CAMTA2: variants seen among roughly 807,000 people sequenced by gnomAD.
CAMTA2 encodes calmodulin-binding transcription activator 2.
A neutral mutation model predicts 135.7 loss-of-function variants in CAMTA2; 56 were observed. The ratio of observed to expected loss-of-function variants is 0.41; its 90% CI spans 0.33 to 0.52. The LOEUF is 0.52. Ranked by LOEUF, CAMTA2 falls within the 20% of genes least tolerant of loss-of-function variation. CAMTA2 has a pLI of 0.16. For missense variants in CAMTA2, 1,358 were observed against 1,553.4 expected (o/e 0.87, Z 2.11); for synonymous variants, 591 against 604.6 (o/e 0.98, Z 0.33).
In CAMTA2 at chr17:4,972,811, G is replaced by C. The variant is rs1972381724; in HGVS notation, c.2461C>G (p.Pro821Ala). 3 of 1,613,948 alleles carry C rather than the reference G, an allele frequency of 1.9e-6. No individual in the cohort carries two copies. The highest frequency in any genetic ancestry group is 2.5e-6 in the Non-Finnish European group (3 of 1,180,030). The change falls in exon 15 of 23, where the codon CCC becomes GCC. Residue 821 changes from proline to alanine, a missense_variant. Physicochemically the swap from Pro to Ala is conservative, Grantham distance 27. Coordinates refer to ENST00000348066, the MANE Select transcript of CAMTA2 (RefSeq NM_015099.4). ...GAGGGTGGCGATAGGGCAAATGGGG[G>C]CTCCACCGAAGGCTCCTGTCTCTGT... ...ELQRQEPSVE[P>A]PFALSPPSSS...
chr17:4,978,540 G>T lies in CAMTA2; in HGVS notation c.1729C>A (p.Leu577Ile). Reference protein sequence around the residue: ...VFDHIAVPASLVQPGVLRCYC... With the variant: ...VFDHIAVPASIVQPGVLRCYC... ...CAGCGTAAGACACCAGGCTGGACAAGTGAGGCTGGCACTGCGATGTGATCA... is the reference window on the plus strand; with the variant it reads ...CAGCGTAAGACACCAGGCTGGACAATTGAGGCTGGCACTGCGATGTGATCA... Residue 577 changes from leucine to isoleucine, a missense_variant, in exon 10 of 23, where the codon CTT becomes ATT. Around this residue, in one of 4 missense-constraint regions of CAMTA2, gnomAD observed 1,077 missense variants for 1,127.5 expected, o/e 0.96. Coordinates refer to ENST00000348066, the MANE Select transcript of CAMTA2 (RefSeq NM_015099.4). 2.5e-6 allele frequency: 4 copies of T among 1,614,170 alleles called. No individual in the cohort carries two copies. The highest frequency in any genetic ancestry group is 3.4e-6 in the Non-Finnish European group (4 of 1,179,988).
rs755663331 is a variant in CAMTA2, at chr17:4,977,008, G to A, written c.1900+50C>T. ...CCTGAGTGGTCTAGGAGCATGTCAT[G>A]CTTAAAGGCTGTGGGCTGGATACTT... On this transcript the variant is annotated intron_variant, in intron 11 of 22. Transcript: ENST00000348066. 1.0e-5 allele frequency: 16 copies of A among 1,602,738 alleles called. No individual in the cohort carries two copies. The African/African-American group carries it at 2.1e-4, about 21-fold the overall frequency.
At chr17:4,982,730 G>A (rs1973035726) in intron 5 of CAMTA2, 27 bp downstream of exon 5, 1 of 1,613,276 alleles carries the variant, frequency 6.2e-7, no homozygotes. Flanking sequence ...GGCTCGGGAA[G>A]ATGAGCTGAA....
chr17:4,978,045 G>A (rs995587404), intron 10 of CAMTA2, among the ~76,000 whole-genome samples: 1 of 152,192 alleles, frequency 6.6e-6, no homozygotes, highest in African/African-American at 2.4e-5. Flanking sequence ...TGTGGCTAAT[G>A]GCTACCATAC....
chr17:4,987,014 C>G, intron 1 of CAMTA2: 1 of 1,433,500 alleles, frequency 7.0e-7, no homozygotes, highest in Non-Finnish European at 9.1e-7. Flanking sequence ...CAGATGGGAG[C>G]TGGCGGAGGC....
At position 4,981,269 on chromosome 17, in the gene CAMTA2, T is replaced by C. The variant is rs1289037395; in HGVS notation, c.656A>G (p.Lys219Arg). 1.9e-6 allele frequency: 3 copies of C among 1,613,958 alleles called. No homozygotes were observed. Among genetic ancestry groups the C allele is most frequent in the Admixed American group, 3.3e-5 (2 of 59,996 alleles). ...ACAGGCGTGGGTTCGGGGAGCAGGC[T>C]TGGTTGGGTGGGTGTCCAAAATCTG... ...VQQILDTHPT[K>R]PAPRTHACLC... The change falls in exon 8 of 23, where the codon AAG becomes AGG. Residue 219 changes from lysine (K) to arginine (R), a missense_variant. Around this residue, in one of 4 missense-constraint regions of CAMTA2, gnomAD observed 1,077 missense variants for 1,127.5 expected, o/e 0.96. Transcript: ENST00000348066.
Position 4,973,484 on chromosome 17 carries a change from A to C in CAMTA2, c.2201+101T>G, listed in dbSNP as rs769222559. 3.1e-5 allele frequency: 39 copies of C among 1,247,518 alleles called. No homozygotes were observed. The African/African-American group carries it at 4.3e-4, about 14-fold the overall frequency. 77.3% of individuals were successfully genotyped at this position (1,247,518 alleles called of 1,614,324 possible). A position where few individuals can be genotyped will look rare whatever the true frequency, so the allele number is the denominator to read the frequency against. ...CCCCTCCCTTCCCACAATGACCCCA[A>C]CTCCCTCTTGGTAGGGCCCCAGGTC... is the stretch of plus-strand genomic sequence containing the variant. On this transcript the variant is annotated intron_variant, in intron 13 of 22. Coordinates refer to ENST00000348066, the MANE Select transcript of CAMTA2 (RefSeq NM_015099.4).
intron 5 of CAMTA2, 94 bp downstream of exon 5, chr17:4,982,663 G>A: frequency 2.1e-6 from 3 of 1,397,216 alleles, no homozygotes; most frequent in South Asian, 1.3e-5. Flanking sequence ...GGACTGAGGT[G>A]GACAATGCCA....
Position 4,973,569 on chromosome 17 carries a change from A to G in CAMTA2, c.2201+16T>C. On this transcript the variant is annotated intron_variant, in intron 13 of 22. Coordinates refer to ENST00000348066, the MANE Select transcript of CAMTA2 (RefSeq NM_015099.4). ...CCCAGAGGCTGCCCAGCCCTCACCC[A>G]GCTGCCCTTGCTCACCGCCACTGGC... 6.2e-7 allele frequency: 1 copy of G among 1,604,928 alleles called. No individual in the cohort carries two copies. The highest frequency in any genetic ancestry group is 8.5e-7 in the Non-Finnish European group (1 of 1,177,436).
Position 4,970,451 on chromosome 17 carries a change from G to A in CAMTA2, c.2894C>T (p.Ala965Val), listed in dbSNP as rs371109567. 9 of 1,614,108 alleles carry A rather than the reference G, an allele frequency of 5.6e-6. No individual in the cohort carries two copies. In the African/African-American group the frequency reaches 1.2e-4, roughly 22 times the overall value. ...TGTCCGCTCCCGCATTGAGGCTCCA[G>A]CCTCGGGCAGCCCCACGAAGTCCTC... is the stretch of plus-strand genomic sequence containing the variant. ...KREDFVGLPE[A>V]GASMRERTGA... Residue 965 changes from alanine (A) to valine (V), a missense_variant, in exon 17 of 23, where the codon GCT (alanine) becomes GTT (valine). Transcript: ENST00000348066.
In CAMTA2 at chr17:4,973,780, C is replaced by T; in HGVS notation, c.2017-11G>A. 1.3e-6 allele frequency: 2 copies of T among 1,595,522 alleles called. No individual in the cohort carries two copies. Among genetic ancestry groups the T allele is most frequent in the South Asian group, 1.1e-5 (1 of 88,950 alleles). ...CCCCTGGCCTTCATCCTGCGATATA[C>T]ACACTCTTAGGCAGAGACCCAGGTA... is the stretch of plus-strand genomic sequence containing the variant. On this transcript the variant is annotated splice_polypyrimidine_tract_variant and intron_variant, in intron 12 of 22. Coordinates refer to ENST00000348066, the MANE Select transcript of CAMTA2 (RefSeq NM_015099.4).
chr17:4,979,946 G>T lies in CAMTA2; in HGVS notation c.1376C>A (p.Ala459Asp), dbSNP rs867291374. ...GGGAGGGGGTGAAGGTATGGGTGGG[G>T]CAGCCCCGTGACCCTTGAGCTCCTC... ...SGEELKGHGA[A>D]PPIPSPPPSP... Residue 459 changes from alanine to aspartate, a missense_variant, in exon 9 of 23, where the codon GCC becomes GAC. This residue lies in a region of CAMTA2 where 1,077 missense variants were observed against 1,127.5 expected (regional missense o/e 0.96). Transcript: ENST00000348066. The T allele has an allele frequency of 1.2e-6, 2 of 1,612,656 alleles. No homozygotes were observed. The highest frequency in any genetic ancestry group is 2.2e-5 in the South Asian group (2 of 91,020).
At chr17:4,982,272 TCCCCCACCCTCG>T (rs1567697977) in intron 5 of CAMTA2, 112 bp from the exon 6 acceptor site, 5 of 771,026 alleles carry the variant, frequency 6.5e-6, no homozygotes, top group Admixed American at 2.0e-5. Flanking sequence ...CTTCAACCCT[TCCCCCACCCTCG>T]CCCCCACCTA....
rs1278807910 is a variant in CAMTA2 at position 4,969,016 on chromosome 17, G to A, written c.3471-35C>T. ...GAAACAAAAGATGGACCTCACAGAA[G>A]GCATCGCATGCCTTCGGCCCCCCCA... On this transcript the variant is annotated intron_variant, in intron 21 of 22. Coordinates refer to ENST00000348066, the MANE Select transcript of CAMTA2 (RefSeq NM_015099.4). The surrounding 1 kb of genome is among the most constrained non-coding windows in gnomAD (Gnocchi z 5.6). 5 of 1,607,232 alleles carry A rather than the reference G, an allele frequency of 3.1e-6. No individual in the cohort carries two copies. In the East Asian group the frequency reaches 8.9e-5, roughly 29 times the overall value.
chr17:4,972,591 CAA>C, intron 15 of CAMTA2, 55 bp from the exon 16 acceptor site: 1 of 1,554,816 alleles, frequency 6.4e-7, no homozygotes, highest in Non-Finnish European at 8.8e-7. Context: ...ATCCCTCGCT[CAA>C]GTCTCCTGCC....
Position 4,969,200 on chromosome 17 carries a change from G to A in CAMTA2, c.3420C>T (p.Arg1140=). The A allele has an allele frequency of 6.2e-7, 1 of 1,612,114 alleles. No homozygotes were observed. Among genetic ancestry groups the A allele is most frequent in the Non-Finnish European group, 8.5e-7 (1 of 1,179,838 alleles). The change falls in exon 21 of 23, where the codon CGC becomes CGT. Residue 1140 remains arginine, a synonymous_variant. Transcript: ENST00000348066. The surrounding 1 kb of genome is among the most constrained non-coding windows in gnomAD (Gnocchi z 5.6). ...AAGTCCGGTGGGGAGGGCCGGGCCT[G>A]CGGCGGTAGGAGCGGTAGTGCTGCT... The part of the protein sequence containing the change: ...LIQQHYRSYR[R]RPGPPHRTSA...
chr17:4,984,279 A>G (rs1040972187), intron 3 of CAMTA2, among the ~76,000 whole-genome samples: 1 of 152,182 alleles, frequency 6.6e-6, no homozygotes, highest in Non-Finnish European at 1.5e-5. Flanking sequence ...CCTGACTCCA[A>G]GGTTCTTCCC....
chr17:4,973,163 C>G lies in CAMTA2; in HGVS notation c.2280+12G>C. On this transcript the variant is annotated intron_variant, in intron 14 of 22. Transcript: ENST00000348066. ...CCTGCCCCATATGCGCTCAGGAATC[C>G]GTCATCCTCACCAGAGGGGTGCAAG... 1 of 1,611,562 alleles carries G rather than the reference C, an allele frequency of 6.2e-7. No homozygotes were observed. Among genetic ancestry groups the G allele is most frequent in the Non-Finnish European group, 8.5e-7 (1 of 1,177,642 alleles).
Position 4,987,207 on chromosome 17 carries a change from G to A in CAMTA2, c.-65+386C>T, listed in dbSNP as rs1299596048. ...CGGGTCCTTGGGCTGCACTTGGGCG[G>A]CGCCGGATCGGACGCTTGGCACTCT... On this transcript the variant is annotated intron_variant, in intron 1 of 22. Transcript: ENST00000348066. The A allele has an allele frequency of 5.2e-6, 7 of 1,336,532 alleles. No homozygotes were observed. In the South Asian group the frequency reaches 8.1e-5, roughly 16 times the overall value. The allele number at this position is 1,336,532 out of a possible 1,614,324, so 82.8% of individuals were successfully genotyped here.
Sources: allele counts gnomAD v4.1 joint callset (sites outside exome capture counted in the v4.1 genomes callset), GRCh38; gene constraint gnomAD v4.1.1; regional missense constraint gnomAD v4.1.1; non-coding constraint Gnocchi (gnomAD v3.1); transcripts MANE v1.5; gene names NCBI Gene and HGNC (gene_info 2026-07-23, HGNC 2026-07-21).